The following TMEM63A variants were observed in gnomAD, a reference collection of about 807,000 sequenced individuals.
The protein encoded by TMEM63A is mechanosensitive cation channel TMEM63A.
TMEM63A carries 76 observed loss-of-function variants against 100.6 expected under a neutral mutation model. The observed-to-expected ratio is 0.76, with a 90% confidence interval of 0.63 to 0.91. The LOEUF (loss-of-function observed/expected upper bound fraction) is 0.91, where lower values mean the gene tolerates loss of function less well. TMEM63A is among the 40% of genes least tolerant of loss of function. TMEM63A has a pLI of 0.00. For missense variants in TMEM63A, 876 were observed against 1,008.8 expected (o/e 0.87, Z 1.78); for synonymous variants, 401 against 401.1 (o/e 1.00, Z 0.00).
At chr1:225,859,650 T>C (rs75786703) in intron 14 of TMEM63A, 8 of 160,282 alleles carry the variant, frequency 5.0e-5, no homozygotes, top group African/African-American at 2.0e-4. Flanking sequence ...TCTTTTTCTG[T>C]TTTTTTTTTT....
chr1:225,852,986 A>G (rs111990), intron 19 of TMEM63A, among the ~76,000 whole-genome samples: 1 of 151,944 alleles, frequency 6.6e-6, no homozygotes, highest in Non-Finnish European at 1.5e-5. Context: ...CGTGTTTGCT[A>G]GTGCTCCCTT....
intron 1 of TMEM63A, among the ~76,000 whole-genome samples, 159 bp downstream of exon 1, chr1:225,882,145 C>T (rs1045699345): frequency 6.6e-6 from 1 of 152,230 alleles, no homozygotes; most frequent in Non-Finnish European, 1.5e-5. Flanking sequence ...CCCGGACCCT[C>T]TCCTCCCACC....
chr1:225,844,686 TG>T (rs1351407737), downstream of TMEM63A: 4 of 1,604,314 alleles, frequency 2.5e-6, no homozygotes, highest in Non-Finnish European at 3.4e-6. Context: ...CGGCCAGTCT[TG>T]GGCTCCACGA....
chr1:225,841,886 G>A (rs372170958), downstream of TMEM63A, among the ~76,000 whole-genome samples: 4 of 152,234 alleles, frequency 2.6e-5, no homozygotes, highest in Non-Finnish European at 4.4e-5. Context: ...TTACAGGCAT[G>A]AGCCAATGCC....
chr1:225,856,041 G>A (rs1576078408), intron 17 of TMEM63A, 101 bp from the exon 18 acceptor site: 4 of 1,249,936 alleles, frequency 3.2e-6, no homozygotes, highest in South Asian at 1.4e-5. Context: ...GCCAAAGCTC[G>A]AGATTGACTT....
downstream of TMEM63A, among the ~76,000 whole-genome samples, chr1:225,841,765 C>T (rs1668447556): frequency 6.6e-6 from 1 of 151,886 alleles, no homozygotes. Flanking sequence ...CCATGCCCTG[C>T]TAATTTTTTT....
intron 16 of TMEM63A, 80 bp downstream of exon 16, chr1:225,856,831 T>TG: frequency 6.3e-7 from 1 of 1,583,144 alleles, no homozygotes; most frequent in Non-Finnish European, 8.6e-7. Context: ...CCTGAGCAGC[T>TG]GGGGGGTTAG....
intron 21 of TMEM63A, among the ~76,000 whole-genome samples, chr1:225,849,361 C>T (rs1268906254): frequency 1.3e-5 from 2 of 152,182 alleles, no homozygotes; most frequent in Admixed American, 6.5e-5. Context: ...CCCTCCCACA[C>T]CCCCAGTCTG....
At position 225,871,784 on chromosome 1, in the gene TMEM63A, G is replaced by A. The variant is rs1314589181; in HGVS notation, c.333+203C>T. On this transcript the variant is annotated intron_variant, in intron 5 of 24. Transcript: ENST00000366835. ...AGGGATTCCGTACCCCTTCCTGCCT[G>A]CAAATTCATCCAGTCTCAAGGTCCC... The A allele has an allele frequency of 2.2e-5, 12 of 551,586 alleles. No homozygotes were observed. In the South Asian group the frequency reaches 2.3e-4, roughly 11 times the overall value. 34.2% of individuals were successfully genotyped at this position (551,586 alleles called of 1,614,324 possible).
Position 225,845,823 on chromosome 1 carries a change from A to G in TMEM63A, c.*1116T>C, listed in dbSNP as rs1668937522. On this transcript the variant is annotated 3_prime_UTR_variant, in exon 25 of 25. Coordinates refer to ENST00000366835, the MANE Select transcript of TMEM63A (RefSeq NM_014698.3). ...AGAGAGTCCCTGAGTGAGAAGGCCC[A>G]GATAAGCCCAGGCCCCCCAGGCCAG... The G allele has an allele frequency of 8.6e-6, 2 of 232,038 alleles. No homozygotes were observed. Among genetic ancestry groups the G allele is most frequent in the South Asian group, 1.3e-4 (2 of 15,800 alleles). 14.4% of individuals were successfully genotyped at this position (232,038 alleles called of 1,614,324 possible). A position where few individuals can be genotyped will look rare whatever the true frequency, so the allele number is the denominator to read the frequency against.
At chr1:225,842,481 C>T (rs780676081), downstream of TMEM63A, 36 of 1,591,518 alleles carry the variant, frequency 2.3e-5, no homozygotes, top group Admixed American at 6.7e-5. Flanking sequence ...AAAGGTGAGG[C>T]CCTGGTTTGC....
chr1:225,881,549 A>G (rs1671089502), intron 1 of TMEM63A, among the ~76,000 whole-genome samples: 1 of 152,130 alleles, frequency 6.6e-6, no homozygotes, highest in African/African-American at 2.4e-5. Flanking sequence ...GTGTGAAGGG[A>G]AAAGGAGCCT....
chr1:225,856,574 G>T, intron 17 of TMEM63A, 78 bp downstream of exon 17: 2 of 1,484,474 alleles, frequency 1.3e-6, no homozygotes, highest in Non-Finnish European at 9.3e-7. Flanking sequence ...CTGCCAAACC[G>T]TTTGCATTCT....
chr1:225,844,750 C>A, downstream of TMEM63A: 1 of 1,443,300 alleles, frequency 6.9e-7, no homozygotes, highest in Non-Finnish European at 9.4e-7. Flanking sequence ...GCCCCAGGGG[C>A]CCTTGGATGG....
chr1:225,881,471 TTC>T (rs570205500), intron 1 of TMEM63A, among the ~76,000 whole-genome samples: 111 of 152,240 alleles, frequency 7.3e-4, no homozygotes, highest in Non-Finnish European at 1.2e-3. Flanking sequence ...ACCTGACGTC[TTC>T]TCTGTTAGAG....
chr1:225,878,123 C>T (rs995072330), intron 2 of TMEM63A, among the ~76,000 whole-genome samples: 13 of 152,152 alleles, frequency 8.5e-5, no homozygotes, highest in African/African-American at 2.4e-4. Context: ...CACCTCACTC[C>T]CACTGCTCAC....
downstream of TMEM63A, among the ~76,000 whole-genome samples, chr1:225,843,481 T>G (rs1668611031): frequency 6.6e-6 from 1 of 152,146 alleles, no homozygotes; most frequent in Non-Finnish European, 1.5e-5. Flanking sequence ...GGGATCTGTT[T>G]CCCCTGCCCT....
chr1:225,863,011 A>G, intron 10 of TMEM63A, 160 bp from the exon 11 acceptor site: 1 of 665,628 alleles, frequency 1.5e-6, no homozygotes, highest in Non-Finnish European at 2.6e-6. Context: ...TTTATCCTCC[A>G]AAAGGGGGAA....
chr1:225,878,026 C>T (rs1041415843), intron 2 of TMEM63A, among the ~76,000 whole-genome samples: 1 of 152,114 alleles, frequency 6.6e-6, no homozygotes, highest in Admixed American at 6.5e-5. Flanking sequence ...CACACAAAGG[C>T]AGGAAGAGGA....
Sources: allele counts gnomAD v4.1 joint callset (sites outside exome capture counted in the v4.1 genomes callset), GRCh38; gene constraint gnomAD v4.1.1; transcripts MANE v1.5; gene names NCBI Gene and HGNC (gene_info 2026-07-23, HGNC 2026-07-21).